The following NKAIN3 variants were observed in gnomAD, a reference collection of about 807,000 sequenced individuals.
NKAIN3 encodes sodium/potassium transporting ATPase interacting 3.
NKAIN3 carries 25 observed loss-of-function variants against 30.2 expected under a neutral mutation model. That is an observed-to-expected ratio of 0.83 (90% confidence interval 0.60 to 1.16). The LOEUF (loss-of-function observed/expected upper bound fraction) is 1.16. Among genes scored for constraint, NKAIN3 ranks in the 50% most tolerant of loss-of-function variants. The pLI is 0.00. For synonymous variants in NKAIN3, 91 were observed against 89.6 expected (o/e 1.02, Z -0.09); for missense variants, 225 against 254.1 (o/e 0.89, Z 0.78).
At chr8:62,867,518 G>A (rs1820464777) in intron 4 of NKAIN3, among the ~76,000 whole-genome samples, 1 of 152,154 alleles carries the variant, frequency 6.6e-6, no homozygotes, top group Non-Finnish European at 1.5e-5. Flanking sequence ...TAGGAGGAGA[G>A]AACTGAGAAT....
intron 1 of NKAIN3, among the ~76,000 whole-genome samples, chr8:62,387,903 T>C (rs1051955347): frequency 6.6e-6 from 1 of 152,222 alleles, no homozygotes; most frequent in African/African-American, 2.4e-5. Flanking sequence ...TTATGGCTTC[T>C]TGTTATCTTA....
At chr8:62,810,771 G>A (rs1818461929) in intron 4 of NKAIN3, among the ~76,000 whole-genome samples, 1 of 149,912 alleles carries the variant, frequency 6.7e-6, no homozygotes, top group Non-Finnish European at 1.5e-5. Context: ...CTTGAAAAAT[G>A]TACCTATATT....
intron 1 of NKAIN3, among the ~76,000 whole-genome samples, chr8:62,291,633 T>C (rs1813636968): frequency 6.6e-6 from 1 of 152,234 alleles, no homozygotes; most frequent in African/African-American, 2.4e-5. Context: ...CTTTTACATT[T>C]GCTGAGGAGT....
intron 1 of NKAIN3, among the ~76,000 whole-genome samples, chr8:62,445,479 C>A (rs1428486808): frequency 6.6e-6 from 1 of 152,060 alleles, no homozygotes; most frequent in East Asian, 1.9e-4. Context: ...ACAATAAATG[C>A]TGGGGCTGGA....
At position 62,708,440 on chromosome 8, in the gene NKAIN3, C is replaced by A. The variant is rs536785763; in HGVS notation, c.274-38492C>A. On this transcript the variant is annotated intron_variant, in intron 3 of 6. Coordinates refer to ENST00000623646, the MANE Select transcript of NKAIN3 (RefSeq NM_001304533.3). Reference sequence around the variant, plus strand: ...AATTTTCTTCATAGAAGTCCATCAACCCCTTAGTTAGGTATATTCCTAATT... The same window carrying A: ...AATTTTCTTCATAGAAGTCCATCAAACCCTTAGTTAGGTATATTCCTAATT... 5.3e-5 allele frequency among the ~76,000 whole-genome samples: 8 copies of A among 152,142 alleles called. No individual in the cohort carries two copies. The South Asian group carries it at 1.7e-3, about 32-fold the overall frequency.
intron 1 of NKAIN3, among the ~76,000 whole-genome samples, chr8:62,351,896 TG>T (rs1286819916): frequency 2.6e-5 from 4 of 152,168 alleles, no homozygotes; most frequent in Non-Finnish European, 5.9e-5. Context: ...GCAGGCATCC[TG>T]GGCAACTGTG....
At chr8:62,257,032 A>G (rs1257627376) in intron 1 of NKAIN3, among the ~76,000 whole-genome samples, 1 of 152,216 alleles carries the variant, frequency 6.6e-6, no homozygotes, top group Non-Finnish European at 1.5e-5. Context: ...ATATATGCAT[A>G]AAATGTGGAA....
intron 4 of NKAIN3, among the ~76,000 whole-genome samples, chr8:62,898,497 G>T (rs1271660092): frequency 6.6e-6 from 1 of 152,136 alleles, no homozygotes; most frequent in Middle Eastern, 3.2e-3. Flanking sequence ...TTATAAGTGG[G>T]AGCTAAGCTA....
At chr8:62,734,077 T>G (rs778294950) in intron 3 of NKAIN3, among the ~76,000 whole-genome samples, 3 of 151,740 alleles carry the variant, frequency 2.0e-5, no homozygotes, top group Admixed American at 6.6e-5. Context: ...AGCCCAGGAG[T>G]TCAAGACCTA....
chr8:62,677,175 A>G (rs975120435), intron 3 of NKAIN3, among the ~76,000 whole-genome samples: 1 of 152,204 alleles, frequency 6.6e-6, no homozygotes, highest in African/African-American at 2.4e-5. Flanking sequence ...GTTCTCAGAA[A>G]TAGCACCTGT....
Position 62,966,644 on chromosome 8 carries a change from T to C in NKAIN3, c.*1237T>C, listed in dbSNP as rs1334375848. On this transcript the variant is annotated 3_prime_UTR_variant, in exon 7 of 7. Transcript: ENST00000623646. ...CTAATTTTCATCATCACTGATAATT[T>C]GGTCTGTTCTCAATATAAAATATAT... 1.3e-5 allele frequency among the ~76,000 whole-genome samples: 2 copies of C among 152,324 alleles called. No individual in the cohort carries two copies. Among genetic ancestry groups the C allele is most frequent in the East Asian group, 3.9e-4 (2 of 5,194 alleles).
At position 62,669,950 on chromosome 8, in the gene NKAIN3, G is replaced by T. The variant is rs560190708; in HGVS notation, c.274-76982G>T. ...CTTTCCTTTTCCTCCCACCAGTTTT[G>T]TGCTTCTTGATTATAGTGGAAGCAA... is the stretch of plus-strand genomic sequence containing the variant. On this transcript the variant is annotated intron_variant, in intron 3 of 6. Transcript: ENST00000623646. 7.9e-5 allele frequency among the ~76,000 whole-genome samples: 12 copies of T among 152,056 alleles called. No homozygotes were observed. The East Asian group carries it at 2.3e-3, about 29-fold the overall frequency.
downstream of NKAIN3, among the ~76,000 whole-genome samples, chr8:62,987,759 C>T (rs1265006267): frequency 6.6e-6 from 1 of 151,998 alleles, no homozygotes; most frequent in Admixed American, 6.5e-5. Flanking sequence ...TGCCGCTGCC[C>T]CTCCCAAATC....
intron 5 of NKAIN3, among the ~76,000 whole-genome samples, chr8:62,937,851 G>A (rs554556031): frequency 6.6e-6 from 1 of 152,044 alleles, no homozygotes; most frequent in Non-Finnish European, 1.5e-5. Flanking sequence ...TAAATTTGGT[G>A]CTATTGGGGG....
At chr8:62,529,973 C>T (rs1020627907) in intron 1 of NKAIN3, among the ~76,000 whole-genome samples, 4 of 152,172 alleles carry the variant, frequency 2.6e-5, no homozygotes, top group East Asian at 1.9e-4. Flanking sequence ...TCTCCTGGCT[C>T]GGCTATCTGC....
At position 62,610,548 on chromosome 8, in the gene NKAIN3, C is replaced by CA. The variant is rs1313527472; in HGVS notation, c.273+20757dup. ...CACATGTGCTATTGTCTCAGAAACTCAAAGTTTTCTTACCAGTAAAAATGC... is the reference window on the plus strand; with the variant it reads ...CACATGTGCTATTGTCTCAGAAACTCAAAAGTTTTCTTACCAGTAAAAATGC... On this transcript the variant is annotated intron_variant, in intron 3 of 6. Transcript: ENST00000623646. Among the ~76,000 whole-genome samples the CA allele has an allele frequency of 4.8e-4, 73 of 152,104 alleles. 1 individual carries two copies. The highest frequency in any genetic ancestry group is 1.7e-3 in the African/African-American group (69 of 41,520).
rs916633165 is a variant in NKAIN3 at position 62,981,000 on chromosome 8, C to G, written c.*15593C>G. 6.6e-6 allele frequency: 1 copy of G among 152,130 alleles called. No homozygotes were observed. The highest frequency in any genetic ancestry group is 6.6e-5 in the Admixed American group (1 of 15,264). 9.4% of individuals were successfully genotyped at this position (152,130 alleles called of 1,614,324 possible). ...AAATTTCTCTTTGTGTTCCTAGGCC[C>G]ACAAAGTCTTTGGTCTGAAGACTCA... On this transcript the variant is annotated 3_prime_UTR_variant, in exon 7 of 7. Coordinates refer to ENST00000623646, the MANE Select transcript of NKAIN3 (RefSeq NM_001304533.3).
intron 1 of NKAIN3, among the ~76,000 whole-genome samples, chr8:62,330,139 G>A (rs1815290321): frequency 6.6e-6 from 1 of 152,040 alleles, no homozygotes; most frequent in Admixed American, 6.6e-5. Context: ...GAAAGGGTGA[G>A]CCAAGGTTGA....
intron 1 of NKAIN3, among the ~76,000 whole-genome samples, chr8:62,545,070 T>G (rs866160130): frequency 1.3e-5 from 2 of 152,068 alleles, no homozygotes; most frequent in Admixed American, 6.6e-5. Flanking sequence ...TCTTGGGAAC[T>G]GAGTTGAAAG....
Sources: gnomAD v4.1 joint callset for allele counts (sites outside exome capture counted in the v4.1 genomes callset) on GRCh38, gnomAD v4.1.1 for gene constraint, MANE v1.5 for transcripts, NCBI Gene and HGNC (gene_info 2026-07-23, HGNC 2026-07-21) for gene names.